Variants in SLC25A13 observed in about 807,000 individuals in gnomAD.
SLC25A13 encodes the protein electrogenic aspartate/glutamate antiporter SLC25A13, mitochondrial.
In SLC25A13, 70 loss-of-function variants were observed where a neutral mutation model predicts 85.5. The ratio of observed to expected loss-of-function variants is 0.82; its 90% CI spans 0.68 to 1.00. The LOEUF is 1.00. Ranked by LOEUF, SLC25A13 falls within the 50% of genes least tolerant of loss-of-function variation. SLC25A13 has a pLI of 0.00. For synonymous variants in SLC25A13, 259 were observed against 288.7 expected, an observed-to-expected ratio of 0.90 and a Z score of 1.04; for missense variants, 765 against 819.8, an observed-to-expected ratio of 0.93 and a Z score of 0.82.
intron 2 of SLC25A13, among the ~76,000 whole-genome samples, chr7:96,294,296 G>A (rs1401938536): frequency 6.6e-6 from 1 of 151,864 alleles, no homozygotes; most frequent in African/African-American, 2.4e-5. Flanking sequence ...GGGGGGAGGA[G>A]GGAGGGATAG....
At chr7:96,233,582 G>A (rs369698816) in intron 4 of SLC25A13, among the ~76,000 whole-genome samples, 18 of 152,286 alleles carry the variant, frequency 1.2e-4, no homozygotes, top group African/African-American at 1.9e-4. Flanking sequence ...ACGGAATGGC[G>A]AAGGGGGTTG....
intron 1 of SLC25A13, among the ~76,000 whole-genome samples, chr7:96,302,668 G>C (rs1799594245): frequency 1.3e-5 from 2 of 152,264 alleles, no homozygotes; most frequent in South Asian, 4.1e-4. Flanking sequence ...TAGATTCTCT[G>C]GAAGTGCTGA....
chr7:96,131,880 C>T lies in SLC25A13; in HGVS notation c.1454G>A (p.Gly485Asp). 2 of 1,613,942 alleles carry T rather than the reference C, an allele frequency of 1.2e-6. No homozygotes were observed. The highest frequency in any genetic ancestry group is 2.2e-5 in the South Asian group (2 of 91,064). Residue 485 changes from glycine (G) to aspartate (D), a missense_variant and splice_region_variant, in exon 15 of 18, where the codon GGT becomes GAT. Physicochemically the swap from Gly to Asp is moderately conservative, Grantham distance 94. Coordinates refer to ENST00000265631, the MANE Select transcript of SLC25A13 (RefSeq NM_014251.3). ...GTCCCGCAGAAAGCATGCTTTGGCACCCTGCACATTTGCAAAGGAAGAAAA... is the reference window on the plus strand; with the variant it reads ...GTCCCGCAGAAAGCATGCTTTGGCATCCTGCACATTTGCAAAGGAAGAAAA... ...RDLGFFGIYK[G>D]AKACFLRDIP...
chr7:96,256,398 A>G (rs1454397700), intron 3 of SLC25A13, among the ~76,000 whole-genome samples: 2 of 152,200 alleles, frequency 1.3e-5, no homozygotes, highest in Admixed American at 6.5e-5. Context: ...GGAAAGCAAA[A>G]AAAAGGCAGG....
At chr7:96,194,442 C>CAAAAAAAAAAAA (rs546248549) in intron 5 of SLC25A13, among the ~76,000 whole-genome samples, 723 of 27,672 alleles carry the variant, frequency 0.026, 148 homozygotes, top group Middle Eastern at 0.17. Context: ...AACCTTGTCT[C>CAAAAAAAAAAAA]AAAAAAAAAA....
chr7:96,213,955 T>A (rs1795793076), intron 4 of SLC25A13, among the ~76,000 whole-genome samples: 1 of 152,216 alleles, frequency 6.6e-6, no homozygotes, highest in African/African-American at 2.4e-5. Context: ...ATTGTTGTTA[T>A]TTCAGTCTGT....
chr7:96,161,656 A>G (rs1267768413), intron 13 of SLC25A13, among the ~76,000 whole-genome samples: 1 of 152,184 alleles, frequency 6.6e-6, no homozygotes, highest in Non-Finnish European at 1.5e-5. Flanking sequence ...ATGAAGGAAG[A>G]TCTCCTCAAG....
intron 1 of SLC25A13, among the ~76,000 whole-genome samples, chr7:96,318,493 C>A (rs1800211704): frequency 6.6e-6 from 1 of 152,102 alleles, no homozygotes; most frequent in Admixed American, 6.5e-5. Context: ...ACGTAGGCAG[C>A]AAGAGAATGG....
intron 2 of SLC25A13, among the ~76,000 whole-genome samples, chr7:96,292,362 A>G (rs1396365866): frequency 6.6e-6 from 1 of 152,186 alleles, no homozygotes; most frequent in Non-Finnish European, 1.5e-5. Context: ...CCCTTTGAAA[A>G]CTGGCACAAG....
chr7:96,288,475 G>A lies in SLC25A13; in HGVS notation c.69+8423C>T, dbSNP rs553404496. On this transcript the variant is annotated intron_variant, in intron 2 of 17. Transcript: ENST00000265631. The stretch of plus-strand genomic sequence containing the variant: ...GTGAGCCGAAGCAGGGCGAGGCATC[G>A]CCTCACCCAGGAAGCGCAAGGGGTC... Among the ~76,000 whole-genome samples the A allele has an allele frequency of 5.9e-5, 9 of 152,292 alleles. No homozygotes were observed. The East Asian group carries it at 7.7e-4, about 13-fold the overall frequency.
chr7:96,139,261 T>C (rs577076470), intron 14 of SLC25A13, among the ~76,000 whole-genome samples: 120 of 152,336 alleles, frequency 7.9e-4, no homozygotes, highest in African/African-American at 2.8e-3. Context: ...AAGTATTGGG[T>C]ACTATGCTCA....
chr7:96,258,497 C>A (rs1797725396), intron 3 of SLC25A13, among the ~76,000 whole-genome samples: 2 of 152,108 alleles, frequency 1.3e-5, no homozygotes, highest in African/African-American at 4.8e-5. Flanking sequence ...CCTAGGAATA[C>A]AACTTACAAG....
chr7:96,140,819 T>A (rs894781061), intron 14 of SLC25A13, among the ~76,000 whole-genome samples: 7 of 151,780 alleles, frequency 4.6e-5, no homozygotes, highest in African/African-American at 7.3e-5. Context: ...GTAGTTATGA[T>A]TTGCATTTCC....
At chr7:96,253,144 G>GTGCTTT (rs1797499769) in intron 3 of SLC25A13, among the ~76,000 whole-genome samples, 1 of 152,178 alleles carries the variant, frequency 6.6e-6, no homozygotes, top group South Asian at 2.1e-4. Context: ...AGAACAGACA[G>GTGCTTT]TGCTTTTGAT....
intron 11 of SLC25A13, among the ~76,000 whole-genome samples, chr7:96,180,979 T>G (rs1584418638): frequency 6.6e-6 from 1 of 152,216 alleles, no homozygotes; most frequent in Admixed American, 6.5e-5. Context: ...ATTTTAAAAG[T>G]GACTTCAGGA....
At chr7:96,229,034 T>C (rs897372249) in intron 4 of SLC25A13, among the ~76,000 whole-genome samples, 1 of 152,062 alleles carries the variant, frequency 6.6e-6, no homozygotes, top group African/African-American at 2.4e-5. Context: ...CCCCAACGGG[T>C]GCCGCCCCCT....
At chr7:96,291,554 GAGA>G (rs1799119800) in intron 2 of SLC25A13, among the ~76,000 whole-genome samples, 1 of 152,044 alleles carries the variant, frequency 6.6e-6, no homozygotes, top group African/African-American at 2.4e-5. Context: ...GAAGAAAAGA[GAGA>G]AGAATTAAAT....
chr7:96,139,945 CTTTTTTTTTTTTTTTTTTT>C (rs59749381), intron 14 of SLC25A13, among the ~76,000 whole-genome samples: 4 of 86,362 alleles, frequency 4.6e-5, no homozygotes, highest in East Asian at 3.2e-4. Flanking sequence ...GATTTCCATT[CTTTTTTTTTTTTTTTTTTT>C]TTTTTTTTTT....
At chr7:96,317,770 C>A (rs1474454950) in intron 1 of SLC25A13, among the ~76,000 whole-genome samples, 1 of 149,554 alleles carries the variant, frequency 6.7e-6, no homozygotes, top group Non-Finnish European at 1.5e-5. Context: ...TTATTTTATT[C>A]TATTTTATTT....
Sources: allele counts gnomAD v4.1 joint callset (sites outside exome capture counted in the v4.1 genomes callset), GRCh38; gene constraint gnomAD v4.1.1; transcripts MANE v1.5; gene names NCBI Gene and HGNC (gene_info 2026-07-23, HGNC 2026-07-21).